Variants in CAMTA1 observed in about 807,000 individuals in gnomAD.
The protein encoded by CAMTA1 is calmodulin binding transcription activator 1.
CAMTA1 carries 27 observed loss-of-function variants against 170.9 expected under a neutral mutation model. The observed-to-expected ratio is 0.16, with a 90% CI of 0.12 to 0.22. CAMTA1 has a LOEUF of 0.22. Among genes scored for constraint, CAMTA1 ranks in the 10% least tolerant of loss-of-function variants. CAMTA1 has a pLI of 1.00. For missense variants in CAMTA1, 1,619 were observed against 2,217.2 expected (o/e 0.73, Z 5.42); for synonymous variants, 833 against 891.5 (o/e 0.93, Z 1.17).
intron 3 of CAMTA1, among the ~76,000 whole-genome samples, chr1:6,943,615 G>A (rs958201507): frequency 1.4e-4 from 22 of 152,050 alleles, no homozygotes; most frequent in Admixed American, 1.1e-3. Context: ...TTGGGAGGCC[G>A]AGGTGGGCGG....
chr1:7,479,856 G>T (rs1412303786), intron 6 of CAMTA1, among the ~76,000 whole-genome samples: 1 of 152,228 alleles, frequency 6.6e-6, no homozygotes, highest in Non-Finnish European at 1.5e-5. Context: ...GCTCCTGTGG[G>T]TTCAGCTTCC....
chr1:6,841,027 T>C (rs918168013), intron 3 of CAMTA1, among the ~76,000 whole-genome samples: 2 of 152,216 alleles, frequency 1.3e-5, no homozygotes, highest in African/African-American at 4.8e-5. Context: ...ATGGAGGCCC[T>C]AGAGAGGAAT....
intron 4 of CAMTA1, among the ~76,000 whole-genome samples, chr1:7,184,177 T>A (rs1652788648): frequency 6.6e-6 from 1 of 151,922 alleles, no homozygotes. Context: ...GAACTCAAAA[T>A]TAAACAATTG....
intron 5 of CAMTA1, among the ~76,000 whole-genome samples, chr1:7,253,447 G>T (rs1054495039): frequency 2.6e-5 from 4 of 152,182 alleles, no homozygotes; most frequent in African/African-American, 9.7e-5. Flanking sequence ...TGAGAGTGCT[G>T]GGTGTCCCAG....
intron 5 of CAMTA1, among the ~76,000 whole-genome samples, chr1:7,335,315 T>C (rs2083313585): frequency 6.6e-6 from 1 of 152,186 alleles, no homozygotes; most frequent in African/African-American, 2.4e-5. Context: ...TGGGTATCAA[T>C]ATCTTTCCTG....
intron 4 of CAMTA1, among the ~76,000 whole-genome samples, chr1:7,104,787 C>T (rs1004859481): frequency 6.6e-6 from 1 of 152,178 alleles, no homozygotes; most frequent in African/African-American, 2.4e-5. Flanking sequence ...ATCACGGGCC[C>T]ATTTACATGT....
chr1:7,250,741 T>A (rs548988879), intron 5 of CAMTA1, among the ~76,000 whole-genome samples: 3 of 152,330 alleles, frequency 2.0e-5, no homozygotes, highest in South Asian at 2.1e-4. Flanking sequence ...ATGTTTTTTT[T>A]AAATACCTAA....
intron 4 of CAMTA1, among the ~76,000 whole-genome samples, chr1:7,116,514 A>G (rs980900504): frequency 2.0e-5 from 3 of 152,194 alleles, no homozygotes; most frequent in African/African-American, 7.2e-5. Flanking sequence ...CAATCAGAGA[A>G]TAGAATCCTT....
At chr1:6,885,616 A>G (rs1672994826) in intron 3 of CAMTA1, among the ~76,000 whole-genome samples, 1 of 152,244 alleles carries the variant, frequency 6.6e-6, no homozygotes, top group Non-Finnish European at 1.5e-5. Context: ...GTCCACATGC[A>G]TGCCATTGCT....
chr1:7,504,559 C>A (rs2094068895), intron 6 of CAMTA1, among the ~76,000 whole-genome samples: 1 of 152,258 alleles, frequency 6.6e-6, no homozygotes, highest in Admixed American at 6.5e-5. Flanking sequence ...CAAGATCAAG[C>A]TTTTGGGGCT....
intron 11 of CAMTA1, among the ~76,000 whole-genome samples, chr1:7,718,120 C>T (rs752193102): frequency 1.3e-5 from 2 of 152,000 alleles, no homozygotes; most frequent in South Asian, 2.1e-4. Flanking sequence ...TTTGTAGTCC[C>T]GGTGGCTAAC....
chr1:7,565,756 G>A lies in CAMTA1; in HGVS notation c.511-74644G>A, dbSNP rs554729023. Among the ~76,000 whole-genome samples the A allele has an allele frequency of 9.2e-5, 14 of 152,262 alleles. No homozygotes were observed. In the South Asian group the frequency reaches 2.9e-3, roughly 32 times the overall value. On this transcript the variant is annotated intron_variant, in intron 6 of 22. Coordinates refer to ENST00000303635, the MANE Select transcript of CAMTA1 (RefSeq NM_015215.4). This position sits in a 1 kb window ranked among gnomAD's most constrained non-coding sequence, Gnocchi z 4.5. ...CCTCGTGTCTTAGTCTACTCAGGCT[G>A]CCATGACAAAATACCATAGACCGGG... is the stretch of plus-strand genomic sequence containing the variant.
intron 5 of CAMTA1, among the ~76,000 whole-genome samples, chr1:7,436,921 G>A (rs2092366880): frequency 6.6e-6 from 1 of 152,080 alleles, no homozygotes; most frequent in Non-Finnish European, 1.5e-5. Context: ...ACCAAAGTGG[G>A]GCACATTCTG....
At chr1:7,394,163 G>A (rs954177352) in intron 5 of CAMTA1, among the ~76,000 whole-genome samples, 1 of 152,170 alleles carries the variant, frequency 6.6e-6, no homozygotes, top group Non-Finnish European at 1.5e-5. Context: ...ATAAACATGG[G>A]AGTGCAGATA....
At chr1:7,191,055 G>A (rs1158943291) in intron 4 of CAMTA1, among the ~76,000 whole-genome samples, 2 of 152,194 alleles carry the variant, frequency 1.3e-5, no homozygotes, top group African/African-American at 4.8e-5. Context: ...TGCAGGTTGT[G>A]TTTGTAAGAT....
At chr1:7,003,012 GTT>G (rs972653536) in intron 3 of CAMTA1, among the ~76,000 whole-genome samples, 1 of 152,188 alleles carries the variant, frequency 6.6e-6, no homozygotes, top group African/African-American at 2.4e-5. Context: ...CGGACTCAGG[GTT>G]TCTGAACCTT....
At chr1:7,051,435 C>T (rs952759938) in intron 3 of CAMTA1, among the ~76,000 whole-genome samples, 3 of 152,220 alleles carry the variant, frequency 2.0e-5, no homozygotes, top group African/African-American at 7.2e-5. Flanking sequence ...CATCCTGGAG[C>T]TGCGTGGGGT....
intron 4 of CAMTA1, among the ~76,000 whole-genome samples, chr1:7,179,700 A>G (rs1651706081): frequency 6.6e-6 from 1 of 152,234 alleles, no homozygotes; most frequent in Non-Finnish European, 1.5e-5. Flanking sequence ...TAATGAAAAC[A>G]CTACCTACCA....
chr1:7,208,738 G>C (rs1272952543), intron 4 of CAMTA1, among the ~76,000 whole-genome samples: 1 of 152,210 alleles, frequency 6.6e-6, no homozygotes, highest in African/African-American at 2.4e-5. Context: ...CTGGGGAAAG[G>C]TGTCATACCT....
Sources: gnomAD v4.1 joint callset for allele counts (sites outside exome capture counted in the v4.1 genomes callset) on GRCh38, gnomAD v4.1.1 for gene constraint, Gnocchi (gnomAD v3.1) non-coding constraint, MANE v1.5 for transcripts, NCBI Gene and HGNC (gene_info 2026-07-23, HGNC 2026-07-21) for gene names.